The following NALF1 variants were observed in gnomAD, a reference collection of about 807,000 sequenced individuals.
NALF1 encodes family with sequence similarity 155 member A.
NALF1 carries 3 observed loss-of-function variants against 48.4 expected under a neutral mutation model. The observed-to-expected ratio is 0.06, with a 90% CI of 0.03 to 0.16. NALF1 has a LOEUF of 0.16. Ranked by LOEUF, NALF1 falls within the 10% of genes least tolerant of loss-of-function variation. NALF1 has a pLI of 1.00. For missense variants in NALF1, 526 were observed against 571.5 expected, an observed-to-expected ratio of 0.92 and a Z score of 0.81; for synonymous variants, 262 against 245.7, an observed-to-expected ratio of 1.07 and a Z score of -0.62.
chr13:107,545,487 C>G (rs1877112002), intron 1 of NALF1, among the ~76,000 whole-genome samples: 1 of 152,128 alleles, frequency 6.6e-6, no homozygotes, highest in South Asian at 2.1e-4. Context: ...CAATAGACTA[C>G]AGCAGAGCAA....
At chr13:107,832,593 C>T (rs1037684382) in intron 1 of NALF1, among the ~76,000 whole-genome samples, 6 of 152,152 alleles carry the variant, frequency 3.9e-5, no homozygotes, top group Non-Finnish European at 8.8e-5. Flanking sequence ...AATGATACCA[C>T]CTGCTGCTCA....
intron 1 of NALF1, among the ~76,000 whole-genome samples, chr13:107,705,349 T>C (rs988541096): frequency 6.6e-6 from 1 of 152,178 alleles, no homozygotes; most frequent in African/African-American, 2.4e-5. Flanking sequence ...CAAACTTGAA[T>C]TGAAAGAAAT....
intron 2 of NALF1, among the ~76,000 whole-genome samples, chr13:107,190,772 T>C (rs1329360248): frequency 6.6e-6 from 1 of 152,214 alleles, no homozygotes; most frequent in South Asian, 2.1e-4. Context: ...GGACTTCCAG[T>C]AATTTTAATA....
chr13:107,406,209 C>G (rs950382398), intron 1 of NALF1, among the ~76,000 whole-genome samples: 10 of 152,018 alleles, frequency 6.6e-5, no homozygotes, highest in Non-Finnish European at 1.2e-4. Context: ...TTTAAAATTA[C>G]ATTGCCTTTG....
At chr13:107,808,376 T>C (rs1878873393) in intron 1 of NALF1, among the ~76,000 whole-genome samples, 1 of 152,230 alleles carries the variant, frequency 6.6e-6, no homozygotes, top group South Asian at 2.1e-4. Flanking sequence ...TATCTATCTT[T>C]TTCCCCTAGA....
chr13:107,822,479 G>A (rs72657273), intron 1 of NALF1, among the ~76,000 whole-genome samples: 14,057 of 152,102 alleles, frequency 0.092, 777 homozygotes, highest in Middle Eastern at 0.13. Flanking sequence ...AGAAATCCTG[G>A]AGAGTGAGGT....
At chr13:107,393,935 A>C (rs1883668493) in intron 1 of NALF1, among the ~76,000 whole-genome samples, 1 of 152,222 alleles carries the variant, frequency 6.6e-6, no homozygotes, top group African/African-American at 2.4e-5. Context: ...GTACTTTCTA[A>C]GATATTTAGC....
In NALF1 at chr13:107,609,358, T is replaced by C. The variant is rs368788037; in HGVS notation, c.915+256324A>G. 2.6e-5 allele frequency among the ~76,000 whole-genome samples: 4 copies of C among 152,268 alleles called. No homozygotes were observed. The South Asian group carries it at 6.2e-4, about 24-fold the overall frequency. On this transcript the variant is annotated intron_variant, in intron 1 of 2. Transcript: ENST00000375915. ...CTACCACCCTAGCTTCATCCCCTAC[T>C]TGCACCAACCAGTCCCGGGTGAGAT...
At chr13:107,566,602 C>T (rs183349393) in intron 1 of NALF1, among the ~76,000 whole-genome samples, 3 of 152,318 alleles carry the variant, frequency 2.0e-5, no homozygotes, top group East Asian at 1.9e-4. Flanking sequence ...GGGGTTCGCA[C>T]GGTAACACCA....
chr13:107,802,635 A>G (rs73585702), intron 1 of NALF1, among the ~76,000 whole-genome samples: 4,204 of 152,240 alleles, frequency 0.028, 192 homozygotes, highest in African/African-American at 0.096. Flanking sequence ...AGAGATGCAC[A>G]GAACAAGTTC....
chr13:107,640,725 A>G (rs1327480138), intron 1 of NALF1, among the ~76,000 whole-genome samples: 2 of 152,200 alleles, frequency 1.3e-5, no homozygotes, highest in South Asian at 2.1e-4. Flanking sequence ...TAATAATCCA[A>G]GAAATATATT....
At chr13:107,389,240 G>A (rs1883580472) in intron 1 of NALF1, among the ~76,000 whole-genome samples, 1 of 152,186 alleles carries the variant, frequency 6.6e-6, no homozygotes, top group African/African-American at 2.4e-5. Flanking sequence ...GTAACACACT[G>A]TTATGAGTTG....
intron 1 of NALF1, among the ~76,000 whole-genome samples, chr13:107,831,500 A>G (rs1224580798): frequency 6.6e-6 from 1 of 152,178 alleles, no homozygotes; most frequent in Non-Finnish European, 1.5e-5. Context: ...GGCTTAGGTC[A>G]AAGTACAAAT....
At chr13:107,389,813 A>C (rs1260175805) in intron 1 of NALF1, among the ~76,000 whole-genome samples, 1 of 152,190 alleles carries the variant, frequency 6.6e-6, no homozygotes, top group Non-Finnish European at 1.5e-5. Flanking sequence ...ACTTATTGAA[A>C]GAATAAATTG....
intron 1 of NALF1, among the ~76,000 whole-genome samples, chr13:107,613,010 A>AAAAAG (rs1330958871): frequency 1.8e-4 from 27 of 146,302 alleles, no homozygotes; most frequent in East Asian, 1.0e-3. Flanking sequence ...GAGAAAAAAA[A>AAAAAG]AAAAGAAAAG....
chr13:107,395,024 T>TGCTAGGAGAG (rs1754248014), intron 1 of NALF1, among the ~76,000 whole-genome samples: 1 of 152,288 alleles, frequency 6.6e-6, no homozygotes, highest in South Asian at 2.1e-4. Context: ...ATGTGCTAGA[T>TGCTAGGAGAG]GCTAGGAGAG....
chr13:107,816,426 G>A (rs1352266415), intron 1 of NALF1, among the ~76,000 whole-genome samples: 1 of 152,136 alleles, frequency 6.6e-6, no homozygotes, highest in Non-Finnish European at 1.5e-5. Context: ...TATGAGGAAT[G>A]AGAGAGAATG....
chr13:107,655,794 A>G (rs1043297614), intron 1 of NALF1, among the ~76,000 whole-genome samples: 6 of 152,152 alleles, frequency 3.9e-5, no homozygotes, highest in Admixed American at 2.0e-4. Context: ...ACAGCATGGT[A>G]CTGTTATAAA....
intron 1 of NALF1, among the ~76,000 whole-genome samples, chr13:107,841,304 T>C (rs1880036507): frequency 6.6e-6 from 1 of 152,162 alleles, no homozygotes; most frequent in Non-Finnish European, 1.5e-5. Context: ...CTAAAGAGCT[T>C]GCATGAAGAG....
Sources: allele counts gnomAD v4.1 joint callset (sites outside exome capture counted in the v4.1 genomes callset), GRCh38; gene constraint gnomAD v4.1.1; transcripts MANE v1.5; gene names NCBI Gene and HGNC (gene_info 2026-07-23, HGNC 2026-07-21).